Variants in CFAP299 observed in about 807,000 individuals in gnomAD.
CFAP299 encodes the protein cilia- and flagella-associated protein 299.
A neutral mutation model predicts 27.0 loss-of-function variants in CFAP299; 21 were observed. The ratio of observed to expected loss-of-function variants is 0.78; its 90% CI spans 0.55 to 1.12. CFAP299 has a LOEUF of 1.12. Ranked by LOEUF, CFAP299 falls within the 50% of genes most tolerant of loss-of-function variation. The pLI, the probability that CFAP299 is intolerant of heterozygous loss-of-function variation, is 0.00. For missense variants in CFAP299, 310 were observed against 276.6 expected (o/e 1.12, Z -0.86); for synonymous variants, 104 against 98.1 (o/e 1.06, Z -0.36).
intron 2 of CFAP299, among the ~76,000 whole-genome samples, chr4:80,558,920 T>C (rs1256031638): frequency 6.6e-6 from 1 of 152,128 alleles, no homozygotes; most frequent in Non-Finnish European, 1.5e-5. Flanking sequence ...ATACATCATA[T>C]AAATAGCACT....
chr4:80,436,655 T>C (rs925115717), intron 2 of CFAP299, among the ~76,000 whole-genome samples: 2 of 152,170 alleles, frequency 1.3e-5, no homozygotes, highest in African/African-American at 2.4e-5. Context: ...CCTTTCTCCA[T>C]ACTAAATTTT....
intron 3 of CFAP299, among the ~76,000 whole-genome samples, chr4:80,628,314 C>T (rs1739021474): frequency 6.6e-6 from 1 of 151,982 alleles, no homozygotes; most frequent in African/African-American, 2.4e-5. Flanking sequence ...TTATCTCACA[C>T]CATATATAAA....
At chr4:80,591,614 A>G (rs1392394048) in intron 3 of CFAP299, among the ~76,000 whole-genome samples, 1 of 152,138 alleles carries the variant, frequency 6.6e-6, no homozygotes, top group Non-Finnish European at 1.5e-5. Flanking sequence ...CTATTGAGCC[A>G]ATAGGTTTCA....
chr4:80,849,596 G>A (rs1731391973), intron 3 of CFAP299, among the ~76,000 whole-genome samples: 1 of 152,100 alleles, frequency 6.6e-6, no homozygotes, highest in Non-Finnish European at 1.5e-5. Flanking sequence ...AAATTTTGAG[G>A]GGATTAGTGA....
intron 3 of CFAP299, among the ~76,000 whole-genome samples, chr4:80,763,262 G>C (rs1725642403): frequency 6.6e-6 from 1 of 152,046 alleles, no homozygotes; most frequent in African/African-American, 2.4e-5. Context: ...AAAGTCTAAG[G>C]ATACAAAATT....
intron 3 of CFAP299, among the ~76,000 whole-genome samples, chr4:80,809,997 C>T (rs1002645234): frequency 2.6e-5 from 4 of 151,850 alleles, no homozygotes; most frequent in African/African-American, 4.8e-5. Context: ...TTTTGGGTTG[C>T]GGTGAAATTT....
chr4:80,629,691 C>T (rs533643954), intron 3 of CFAP299, among the ~76,000 whole-genome samples: 17 of 151,946 alleles, frequency 1.1e-4, no homozygotes, highest in Non-Finnish European at 5.9e-5. Context: ...ACCAGCTTGG[C>T]GAACATAGTG....
At chr4:80,386,510 G>T in intron 2 of CFAP299, 3 of 1,420,748 alleles carry the variant, frequency 2.1e-6, no homozygotes, top group Middle Eastern at 1.8e-4. Flanking sequence ...CGCGGGCGGT[G>T]GTGGGGGGGG....
At chr4:80,650,486 T>A (rs1740226552) in intron 3 of CFAP299, among the ~76,000 whole-genome samples, 1 of 152,142 alleles carries the variant, frequency 6.6e-6, no homozygotes, top group South Asian at 2.1e-4. Context: ...TACACAAATG[T>A]TATCCTATTT....
intron 3 of CFAP299, among the ~76,000 whole-genome samples, chr4:80,828,257 A>G (rs1730097071): frequency 6.6e-6 from 1 of 152,196 alleles, no homozygotes; most frequent in South Asian, 2.1e-4. Flanking sequence ...TGAAAAAATA[A>G]GAACAAATTT....
intron 3 of CFAP299, among the ~76,000 whole-genome samples, chr4:80,622,563 A>G (rs1302485245): frequency 6.6e-6 from 1 of 152,110 alleles, no homozygotes; most frequent in Non-Finnish European, 1.5e-5. Context: ...ACTGGCCTTT[A>G]TAATTTTTTA....
intron 3 of CFAP299, chr4:80,790,455 C>T (rs1727492235): frequency 6.6e-6 from 1 of 152,034 alleles, no homozygotes; most frequent in Non-Finnish European, 1.5e-5. Flanking sequence ...GAAATCTTCA[C>T]TCCCTAAGTG....
At position 80,723,508 on chromosome 4, in the gene CFAP299, TA is replaced by T. The variant is rs35442302; in HGVS notation, c.333+140333del. ...AGATTATTTCAATAATATAAAATTC[TA>T]AAAAAAACGCAAACTAATCTATAGT... On this transcript the variant is annotated intron_variant, in intron 3 of 5. Coordinates refer to ENST00000358105, the MANE Select transcript of CFAP299 (RefSeq NM_152770.3). Among the ~76,000 whole-genome samples, 414 of 151,794 alleles carry T rather than the reference TA, an allele frequency of 2.7e-3. 2 individuals carry two copies. Among genetic ancestry groups the T allele is most frequent in the Non-Finnish European group, 4.4e-3 (296 of 67,882 alleles).
intron 2 of CFAP299, among the ~76,000 whole-genome samples, chr4:80,409,657 AC>A (rs1726610592): frequency 6.6e-6 from 1 of 152,188 alleles, no homozygotes; most frequent in Non-Finnish European, 1.5e-5. Context: ...TTTAACTTTT[AC>A]AGAAGGTAGA....
At chr4:80,535,958 A>G (rs1733719697) in intron 2 of CFAP299, among the ~76,000 whole-genome samples, 1 of 152,218 alleles carries the variant, frequency 6.6e-6, no homozygotes. Context: ...TCATCAAGCT[A>G]GGGAGAGATC....
chr4:80,585,983 TG>T (rs1736416344), intron 3 of CFAP299, among the ~76,000 whole-genome samples: 1 of 152,146 alleles, frequency 6.6e-6, no homozygotes, highest in Admixed American at 6.6e-5. Flanking sequence ...ATTTTAATAA[TG>T]GAAAGACATA....
At chr4:80,477,336 C>T (rs765387614) in intron 2 of CFAP299, among the ~76,000 whole-genome samples, 10 of 152,158 alleles carry the variant, frequency 6.6e-5, no homozygotes, top group Non-Finnish European at 1.3e-4. Flanking sequence ...GTTGGGATTA[C>T]AGGCATGAGC....
intron 5 of CFAP299, among the ~76,000 whole-genome samples, chr4:80,950,678 G>A (rs1363873056): frequency 6.6e-6 from 1 of 152,086 alleles, no homozygotes; most frequent in Non-Finnish European, 1.5e-5. Flanking sequence ...GCTACAGAGA[G>A]GCTGTCAGCA....
intron 3 of CFAP299, among the ~76,000 whole-genome samples, chr4:80,835,548 ATGATATCAG>A (rs1730518478): frequency 6.6e-6 from 1 of 151,698 alleles, no homozygotes; most frequent in African/African-American, 2.4e-5. Flanking sequence ...TTGGTTCCCA[ATGATATCAG>A]GTTCTAATCC....
Sources: gnomAD v4.1 joint callset for allele counts (sites outside exome capture counted in the v4.1 genomes callset) on GRCh38, gnomAD v4.1.1 for gene constraint, MANE v1.5 for transcripts, NCBI Gene and HGNC (gene_info 2026-07-23, HGNC 2026-07-21) for gene names.